Variants in ERCC8 observed in about 807,000 individuals in gnomAD.
ERCC8 encodes the protein DNA excision repair protein ERCC-8.
ERCC8 carries 52 observed loss-of-function variants against 54.9 expected under a neutral mutation model. The ratio of observed to expected loss-of-function variants is 0.95; its 90% confidence interval spans 0.76 to 1.19. The LOEUF is 1.19. ERCC8 is among the 50% of genes most tolerant of loss of function. ERCC8 has a pLI of 0.00. For missense variants in ERCC8, 514 were observed against 466.1 expected (o/e 1.10, Z -0.95); for synonymous variants, 146 against 157.2 (o/e 0.93, Z 0.53).
intron 1 of ERCC8, among the ~76,000 whole-genome samples, chr5:60,936,424 T>C (rs1309843557): frequency 6.6e-6 from 1 of 152,244 alleles, no homozygotes; most frequent in Non-Finnish European, 1.5e-5. Context: ...TTGGTTAATC[T>C]AGCTAATGGT....
At chr5:60,876,959 C>T (rs1579980635) in intron 11 of ERCC8, among the ~76,000 whole-genome samples, 1 of 152,242 alleles carries the variant, frequency 6.6e-6, no homozygotes, top group East Asian at 1.9e-4. Context: ...CTTGCCCATG[C>T]CTATGTCCTG....
At chr5:60,892,229 A>G (rs1748583807) in intron 9 of ERCC8, 1 of 541,026 alleles carries the variant, frequency 1.8e-6, no homozygotes, top group African/African-American at 1.9e-5. Flanking sequence ...GAGATCTCCA[A>G]TCTTATATAC....
At chr5:60,904,628 G>GTATATATATATATA (rs1362263921) in intron 5 of ERCC8, among the ~76,000 whole-genome samples, 164 bp downstream of exon 5, 3 of 67,788 alleles carry the variant, frequency 4.4e-5, no homozygotes, top group Non-Finnish European at 9.5e-5. Flanking sequence ...TATAGTGTGT[G>GTATATATATATATA]TGTGTGTATA....
At chr5:60,936,779 T>G (rs1750080670) in intron 1 of ERCC8, among the ~76,000 whole-genome samples, 1 of 152,252 alleles carries the variant, frequency 6.6e-6, no homozygotes, top group Non-Finnish European at 1.5e-5. Context: ...AGGTATTCTA[T>G]GTCAATTTTT....
intron 9 of ERCC8, among the ~76,000 whole-genome samples, chr5:60,894,246 A>G (rs1561500052): frequency 6.6e-6 from 1 of 152,020 alleles, no homozygotes; most frequent in Non-Finnish European, 1.5e-5. Context: ...GATCTCCCAA[A>G]GTGCTGGGAT....
chr5:60,922,262 TAAG>T, intron 2 of ERCC8, 107 bp from the exon 3 acceptor site: 1 of 684,850 alleles, frequency 1.5e-6, no homozygotes, highest in Non-Finnish European at 2.6e-6. Flanking sequence ...TCAAATGTAT[TAAG>T]GATACATTAA....
intron 11 of ERCC8, among the ~76,000 whole-genome samples, chr5:60,879,498 G>A (rs565510437): frequency 6.6e-6 from 1 of 152,270 alleles, no homozygotes; most frequent in Non-Finnish European, 1.5e-5. Flanking sequence ...TATTGTGTGG[G>A]AGTCTAAGTC....
chr5:60,918,448 T>C, intron 3 of ERCC8, 60 bp from the exon 4 acceptor site: 1 of 1,467,782 alleles, frequency 6.8e-7, no homozygotes, highest in Non-Finnish European at 9.4e-7. Flanking sequence ...AAACTGGTAC[T>C]ATATTAAGAA....
intron 11 of ERCC8, 120 bp from the exon 12 acceptor site, chr5:60,874,803 A>T: frequency 1.3e-6 from 1 of 793,682 alleles, no homozygotes; most frequent in Non-Finnish European, 2.0e-6. Flanking sequence ...TTTGGAAGAA[A>T]ATGTATAACT....
At chr5:60,893,288 ACTT>A in intron 9 of ERCC8, 1 of 992,408 alleles carries the variant, frequency 1.0e-6, no homozygotes, top group Non-Finnish European at 1.6e-6. Flanking sequence ...TTCCTGCAAA[ACTT>A]CTTCCTTACA....
intron 1 of ERCC8, among the ~76,000 whole-genome samples, chr5:60,931,712 C>G (rs912819432): frequency 6.6e-6 from 1 of 152,020 alleles, no homozygotes; most frequent in East Asian, 1.9e-4. Context: ...ATTGAAATTG[C>G]CATTTTTCTG....
In ERCC8 at chr5:60,904,632, GTGTATATATATATATATATATATATATA is replaced by G. The variant is rs1554073493; in HGVS notation, c.481+132_481+159del. 0.094 allele frequency among the ~76,000 whole-genome samples: 3,381 copies of G among 35,902 alleles called. 172 individuals are homozygous for G. Among genetic ancestry groups the G allele is most frequent in the Middle Eastern group, 0.12 (9 of 72 alleles). The allele number at this position is 35,902 out of a possible 152,430, so 23.6% of individuals were successfully genotyped here. A position where few individuals can be genotyped will look rare whatever the true frequency, so the allele number is the denominator to read the frequency against. On this transcript the variant is annotated intron_variant, in intron 5 of 11. Coordinates refer to ENST00000676185, the MANE Select transcript of ERCC8 (RefSeq NM_000082.4). ...TGTTGAATATATATAGTGTGTGTGTGTGTATATATATATATATATATATATATATATATATATATATATATATATATAA... is the reference window on the plus strand; with the variant it reads ...TGTTGAATATATATAGTGTGTGTGTGTATATATATATATATATATATATAA...
chr5:60,891,535 A>C (rs1421036284), intron 9 of ERCC8, among the ~76,000 whole-genome samples: 1 of 151,928 alleles, frequency 6.6e-6, no homozygotes, highest in Admixed American at 6.6e-5. Flanking sequence ...CTCCCAAAAA[A>C]CATTATTTTC....
At chr5:60,886,223 A>G (rs762857331) in intron 11 of ERCC8, among the ~76,000 whole-genome samples, 3 of 150,752 alleles carry the variant, frequency 2.0e-5, no homozygotes, top group Non-Finnish European at 4.4e-5. Flanking sequence ...TGTGAAAGTT[A>G]AAAAAAAATA....
intron 3 of ERCC8, among the ~76,000 whole-genome samples, chr5:60,921,852 T>G (rs906080319): frequency 2.0e-5 from 3 of 151,884 alleles, no homozygotes; most frequent in Admixed American, 1.3e-4. Context: ...TGAAGTTGCT[T>G]TGGGGAAGAC....
In ERCC8 at chr5:60,887,387, A is replaced by G. The variant is rs1748425440; in HGVS notation, c.1122+53T>C. 3 of 1,417,710 alleles carry G rather than the reference A, an allele frequency of 2.1e-6. No homozygotes were observed. In the African/African-American group the frequency reaches 4.2e-5, roughly 20 times the overall value. The allele number at this position is 1,417,710 out of a possible 1,614,324, so 87.8% of individuals were successfully genotyped here. ...TCTCTCTCACATAAAGTAACAAAAC[A>G]TTATTTCTTAAGCTTTAGAAGTCAC... On this transcript the variant is annotated intron_variant, in intron 11 of 11. Transcript: ENST00000676185.
Position 60,874,525 on chromosome 5 carries a change from T to C in ERCC8, c.*90A>G, listed in dbSNP as rs1183390572. The C allele has an allele frequency of 2.7e-6, 3 of 1,104,290 alleles. No individual in the cohort carries two copies. The highest frequency in any genetic ancestry group is 3.1e-5 in the African/African-American group (2 of 63,534). The allele number at this position is 1,104,290 out of a possible 1,614,324, so 68.4% of individuals were successfully genotyped here. The stretch of plus-strand genomic sequence containing the variant: ...AATATTACCCACATTTAGGGCTAAT[T>C]TAGCTGTCAGGAATAGACCATACAG... On this transcript the variant is annotated 3_prime_UTR_variant, in exon 12 of 12. Transcript: ENST00000676185.
intron 5 of ERCC8, among the ~76,000 whole-genome samples, 176 bp from the exon 6 acceptor site, chr5:60,903,892 A>C (rs1193544970): frequency 6.6e-6 from 1 of 152,130 alleles, no homozygotes; most frequent in African/African-American, 2.4e-5. Context: ...TATTTTAACT[A>C]CAGTTATATT....
At chr5:60,933,939 A>ACACAC (rs1491571439) in intron 1 of ERCC8, among the ~76,000 whole-genome samples, 1 of 106,732 alleles carries the variant, frequency 9.4e-6, no homozygotes, top group Non-Finnish European at 2.2e-5. Flanking sequence ...ATTCCATGAT[A>ACACAC]CACACACACA....
Sources: gnomAD v4.1 joint callset for allele counts (sites outside exome capture counted in the v4.1 genomes callset) on GRCh38, gnomAD v4.1.1 for gene constraint, MANE v1.5 for transcripts, NCBI Gene and HGNC (gene_info 2026-07-23, HGNC 2026-07-21) for gene names.